The following ATAT1 variants were observed in gnomAD, a reference collection of about 807,000 sequenced individuals.
ATAT1 encodes alpha-tubulin N-acetyltransferase 1.
A neutral mutation model predicts 57.2 loss-of-function variants in ATAT1; 42 were observed. The ratio of observed to expected loss-of-function variants is 0.73; its 90% CI spans 0.57 to 0.95. The LOEUF is 0.95. Among genes scored for constraint, ATAT1 ranks in the 40% least tolerant of loss-of-function variants. The pLI is 0.00. For missense variants in ATAT1, 454 were observed against 523.7 expected (o/e 0.87, Z 1.30); for synonymous variants, 168 against 187.1 (o/e 0.90, Z 0.83).
chr6:30,642,833 G>GGGGCGCCCCCCCC lies in ATAT1; in HGVS notation c.754_755insGGGCGCCCCCCCC (p.Ala252GlyfsTer52). ...GGCCCCTCGCCGCGCCACACCTCCA[G>GGGGCGCCCCCCCC]CCCACCCACCCCCCCGCTCCAGCAG... On this transcript the variant is annotated frameshift_variant, in exon 10 of 13. Transcript: ENST00000330083. LOFTEE classifies it high-confidence loss of function. 1 of 1,537,878 alleles carries GGGGCGCCCCCCCC rather than the reference G, an allele frequency of 6.5e-7. No homozygotes were observed. Among genetic ancestry groups the GGGGCGCCCCCCCC allele is most frequent in the Non-Finnish European group, 8.7e-7 (1 of 1,145,784 alleles).
At chr6:30,630,187 G>A (rs954717973) in intron 6 of ATAT1, among the ~76,000 whole-genome samples, 1 of 152,194 alleles carries the variant, frequency 6.6e-6, no homozygotes, top group African/African-American at 2.4e-5. Flanking sequence ...CAGGCGTGGT[G>A]GCACGAGCCT....
chr6:30,645,962 T>C lies in ATAT1; in HGVS notation c.1000T>C (p.Ser334Pro). 6.4e-7 allele frequency: 1 copy of C among 1,552,430 alleles called. No individual in the cohort carries two copies. The highest frequency in any genetic ancestry group is 8.7e-7 in the Non-Finnish European group (1 of 1,148,678). Reference sequence around the variant, plus strand: ...CCGCCATGGGGGGGTGAATTCCTCATCCCCCAATACAGGTAAGTATTCACT... The same window carrying C: ...CCGCCATGGGGGGGTGAATTCCTCACCCCCCAATACAGGTAAGTATTCACT... Residue 334 changes from serine to proline, a missense_variant, in exon 11 of 13, where the codon TCC (serine) becomes CCC (proline). Coordinates refer to ENST00000330083, the MANE Select transcript of ATAT1 (RefSeq NM_001031722.4).
chr6:30,637,753 G>A (rs540930826), intron 6 of ATAT1, among the ~76,000 whole-genome samples: 1 of 151,478 alleles, frequency 6.6e-6, no homozygotes, highest in African/African-American at 2.4e-5. Flanking sequence ...CAAGGCGGGC[G>A]GATCACGAGG....
At chr6:30,636,807 T>G (rs377578746) in intron 6 of ATAT1, among the ~76,000 whole-genome samples, 27 of 151,928 alleles carry the variant, frequency 1.8e-4, no homozygotes, top group Admixed American at 7.9e-4. Flanking sequence ...CACAGTTTTT[T>G]TTTGTTTGTT....
intron 10 of ATAT1, 134 bp from the exon 11 acceptor site, chr6:30,645,761 C>G (rs1463280659): frequency 3.2e-6 from 2 of 633,354 alleles, no homozygotes; most frequent in African/African-American, 3.8e-5. Context: ...TTGATTAAAA[C>G]CTGTTAGGAA....
At chr6:30,645,256 G>A (rs1428850022) in intron 10 of ATAT1, among the ~76,000 whole-genome samples, 9 of 147,618 alleles carry the variant, frequency 6.1e-5, no homozygotes, top group African/African-American at 1.8e-4. Context: ...TTGCTCTGTC[G>A]CCAGGCTGGA....
At chr6:30,640,767 C>T (rs1439102357) in intron 8 of ATAT1, 164 bp downstream of exon 8, 2 of 724,288 alleles carry the variant, frequency 2.8e-6, no homozygotes, top group East Asian at 5.4e-5. Context: ...GAGCTCAGTG[C>T]ATTTTATATT....
Position 30,642,833 on chromosome 6 carries a change from G to GGGGGGGCCCCCCCCCCCCCC in ATAT1, c.754_755insGGGGGGCCCCCCCCCCCCCC (p.Ala252GlyfsTer74). The GGGGGGGCCCCCCCCCCCCCC allele has an allele frequency of 1.4e-5, 21 of 1,537,716 alleles. No individual in the cohort carries two copies. The highest frequency in any genetic ancestry group is 2.4e-5 in the East Asian group (1 of 42,442). On this transcript the variant is annotated frameshift_variant, in exon 10 of 13. Coordinates refer to ENST00000330083, the MANE Select transcript of ATAT1 (RefSeq NM_001031722.4). LOFTEE classifies it high-confidence loss of function. ...GGCCCCTCGCCGCGCCACACCTCCA[G>GGGGGGGCCCCCCCCCCCCCC]CCCACCCACCCCCCCGCTCCAGCAG...
chr6:30,643,013 T>C lies in ATAT1; in HGVS notation c.932+2T>C, dbSNP rs1348263884. 1 of 1,609,116 alleles carries C rather than the reference T, an allele frequency of 6.2e-7. No individual in the cohort carries two copies. The highest frequency in any genetic ancestry group is 1.1e-5 in the South Asian group (1 of 90,608). On this transcript the variant is annotated splice_donor_variant, in intron 10 of 12. Transcript: ENST00000330083. LOFTEE classifies it high-confidence loss of function. ...CCCAGCTCAACGTCGTCGCACCAGG[T>C]AATAGGAGTTGAAGGGCTAAGGAGC...
chr6:30,644,792 C>A, intron 10 of ATAT1: 1 of 288,484 alleles, frequency 3.5e-6, no homozygotes, highest in Non-Finnish European at 5.2e-6. Flanking sequence ...AGCCTCAGAG[C>A]TCCTGAGTCT....
At position 30,627,177 on chromosome 6, in the gene ATAT1, C is replaced by T; in HGVS notation, c.-27C>T. Reference sequence around the variant, plus strand: ...GCGCTTGGATCTGTGACCTTTCACCCCGGGCCCAAAATGTCCCAATCAAAG... The same window carrying T: ...GCGCTTGGATCTGTGACCTTTCACCTCGGGCCCAAAATGTCCCAATCAAAG... On this transcript the variant is annotated 5_prime_UTR_variant, in exon 1 of 13. Transcript: ENST00000330083. 2 of 1,613,666 alleles carry T rather than the reference C, an allele frequency of 1.2e-6. No individual in the cohort carries two copies. Among genetic ancestry groups the T allele is most frequent in the Non-Finnish European group, 1.7e-6 (2 of 1,179,744 alleles).
In ATAT1 at chr6:30,642,036, A is replaced by T. The variant is rs1024422210; in HGVS notation, c.617-140A>T. 4 of 1,537,014 alleles carry T rather than the reference A, an allele frequency of 2.6e-6. No homozygotes were observed. The African/African-American group carries it at 5.5e-5, about 21-fold the overall frequency. On this transcript the variant is annotated intron_variant, in intron 8 of 12. Transcript: ENST00000330083. ...TCCCTTTTGGTGTGCTGGCATTGCC[A>T]TGGTGCTGCTCCTGCAAGTTCTCAG...
intron 9 of ATAT1, 43 bp from the exon 10 acceptor site, chr6:30,642,720 CCTTTT>C (rs1238970218): frequency 8.2e-7 from 1 of 1,225,284 alleles, no homozygotes; most frequent in Admixed American, 1.7e-5. Flanking sequence ...TGACTCTCTT[CCTTTT>C]TTCTTCTTTT....
intron 6 of ATAT1, among the ~76,000 whole-genome samples, chr6:30,639,026 G>A (rs1582834970): frequency 6.6e-6 from 1 of 152,116 alleles, no homozygotes; most frequent in East Asian, 1.9e-4. Context: ...TCTTGCCCAG[G>A]CTGGAGTGCA....
At position 30,640,581 on chromosome 6, in the gene ATAT1, T is replaced by A; in HGVS notation, c.594T>A (p.Ala198=). ...GGGCAACTCGACACTCTCGTGCTGC[T>A]GCAGTCGATCCCACGCCCGCTGGTA... The change falls in exon 8 of 13, where the codon GCT becomes GCA. Residue 198 remains alanine, a synonymous_variant. Transcript: ENST00000330083. 1 of 1,613,036 alleles carries A rather than the reference T, an allele frequency of 6.2e-7. No homozygotes were observed. Among genetic ancestry groups the A allele is most frequent in the Non-Finnish European group, 8.5e-7 (1 of 1,180,036 alleles).
chr6:30,627,454 C>T lies in ATAT1; in HGVS notation c.72-6C>T. On this transcript the variant is annotated splice_polypyrimidine_tract_variant and splice_region_variant and intron_variant, in intron 1 of 12. Transcript: ENST00000330083. ...ATCTGACTCTTTATTTCTTCTCTTTCTCTAGTGTTGATCTACAGCAGCAAA... is the reference window on the plus strand; with the variant it reads ...ATCTGACTCTTTATTTCTTCTCTTTTTCTAGTGTTGATCTACAGCAGCAAA... The T allele has an allele frequency of 6.2e-7, 1 of 1,613,002 alleles. No homozygotes were observed. The highest frequency in any genetic ancestry group is 2.2e-5 in the East Asian group (1 of 44,884).
intron 6 of ATAT1, among the ~76,000 whole-genome samples, chr6:30,634,663 GAA>G (rs9278741): frequency 0.015 from 1,258 of 84,214 alleles, 2 homozygotes; most frequent in African/African-American, 0.024. Flanking sequence ...CTCAAAGGAG[GAA>G]AAAAAAAAAA....
At chr6:30,644,980 G>A (rs1263974118) in intron 10 of ATAT1, among the ~76,000 whole-genome samples, 3 of 152,156 alleles carry the variant, frequency 2.0e-5, no homozygotes, top group Admixed American at 6.5e-5. Context: ...TTGCCAAGAT[G>A]TCAAAGCTTA....
Position 30,642,249 on chromosome 6 carries a change from T to G in ATAT1, c.688+2T>G. On this transcript the variant is annotated splice_donor_variant, in intron 9 of 12. Transcript: ENST00000330083. LOFTEE classifies it high-confidence loss of function. Reference sequence around the variant, plus strand: ...CATACTCCTCTAGTGACCGAGAATGTAAGAGGGGCAAGGGTCGGGTGTCTG... The same window carrying G: ...CATACTCCTCTAGTGACCGAGAATGGAAGAGGGGCAAGGGTCGGGTGTCTG... 1 of 1,613,856 alleles carries G rather than the reference T, an allele frequency of 6.2e-7. No individual in the cohort carries two copies. Among genetic ancestry groups the G allele is most frequent in the Non-Finnish European group, 8.5e-7 (1 of 1,179,946 alleles).
Sources: gnomAD v4.1 joint callset for allele counts (sites outside exome capture counted in the v4.1 genomes callset) on GRCh38, gnomAD v4.1.1 for gene constraint, MANE v1.5 for transcripts, NCBI Gene and HGNC (gene_info 2026-07-23, HGNC 2026-07-21) for gene names.